RNF217: variants seen among roughly 807,000 people sequenced by gnomAD.
RNF217 encodes the protein E3 ubiquitin-protein ligase RNF217.
RNF217 carries 31 observed loss-of-function variants against 57.8 expected under a neutral mutation model. The ratio of observed to expected loss-of-function variants is 0.54; its 90% CI spans 0.40 to 0.72. The LOEUF is 0.72. RNF217 is among the 30% of genes least tolerant of loss of function. The pLI, the probability that RNF217 is intolerant of heterozygous loss-of-function variation, is 0.00. For missense variants in RNF217, 696 were observed against 708.3 expected (o/e 0.98, Z 0.20); for synonymous variants, 313 against 294.0 (o/e 1.06, Z -0.66).
intron 1 of RNF217, among the ~76,000 whole-genome samples, chr6:125,039,228 A>AT (rs983365588): frequency 8.6e-5 from 13 of 150,976 alleles, no homozygotes; most frequent in South Asian, 2.1e-4. Flanking sequence ...TATGTACCAC[A>AT]TTTTTTTTTC....
chr6:124,982,388 TAGA>T (rs1259494205), intron 1 of RNF217, among the ~76,000 whole-genome samples: 1 of 152,132 alleles, frequency 6.6e-6, no homozygotes, highest in Non-Finnish European at 1.5e-5. Flanking sequence ...TACTGAAAAA[TAGA>T]AGATATTTCA....
chr6:125,016,048 C>T (rs568639380), intron 1 of RNF217, among the ~76,000 whole-genome samples: 6 of 152,062 alleles, frequency 3.9e-5, no homozygotes, highest in East Asian at 1.9e-4. Flanking sequence ...AGGAAGCCCA[C>T]GAATCTAATG....
chr6:125,034,503 T>C (rs1309225445), intron 1 of RNF217, among the ~76,000 whole-genome samples: 3 of 152,136 alleles, frequency 2.0e-5, no homozygotes, highest in Non-Finnish European at 4.4e-5. Flanking sequence ...ATCAGATAGT[T>C]GTAGATATGC....
At chr6:125,048,123 A>G in intron 2 of RNF217, 1 of 1,087,992 alleles carries the variant, frequency 9.2e-7, no homozygotes, top group Non-Finnish European at 1.2e-6. Flanking sequence ...TACCTGGTTT[A>G]CATGCCCATA....
intron 1 of RNF217, among the ~76,000 whole-genome samples, chr6:125,032,525 A>C (rs1351440683): frequency 2.0e-5 from 3 of 151,968 alleles, no homozygotes; most frequent in African/African-American, 7.2e-5. Context: ...AGCTAGGTGA[A>C]TATTATTTGC....
intron 1 of RNF217, among the ~76,000 whole-genome samples, chr6:125,031,730 T>G (rs1786370071): frequency 6.6e-6 from 1 of 152,212 alleles, no homozygotes; most frequent in Admixed American, 6.5e-5. Context: ...GTTCCAAACT[T>G]TCCCACATTT....
intron 3 of RNF217, among the ~76,000 whole-genome samples, chr6:125,068,315 A>G (rs1185464153): frequency 6.6e-6 from 1 of 152,178 alleles, no homozygotes; most frequent in Non-Finnish European, 1.5e-5. Context: ...AATATGCTGT[A>G]TTTAGAATTC....
chr6:125,048,237 T>C (rs1223466337), intron 2 of RNF217: 1 of 1,355,000 alleles, frequency 7.4e-7, no homozygotes, highest in Non-Finnish European at 9.8e-7. Flanking sequence ...GAGACTAAGA[T>C]CTTTGTTCTT....
Position 125,085,817 on chromosome 6 carries a change from G to A in RNF217, c.*2880G>A, listed in dbSNP as rs1788754597. The A allele has an allele frequency of 6.6e-6, 1 of 151,850 alleles. No homozygotes were observed. The highest frequency in any genetic ancestry group is 1.5e-5 in the Non-Finnish European group (1 of 67,846). The allele number at this position is 151,850 out of a possible 1,614,324, so 9.4% of individuals were successfully genotyped here. A position where few individuals can be genotyped will look rare whatever the true frequency, so the allele number is the denominator to read the frequency against. On this transcript the variant is annotated 3_prime_UTR_variant, in exon 6 of 6. Transcript: ENST00000521654. ...TGTGTTTGTGTATGTGTCTGTGTGTGTATTCATTTTATACAAATAGAAAAA... is the reference window on the plus strand; with the variant it reads ...TGTGTTTGTGTATGTGTCTGTGTGTATATTCATTTTATACAAATAGAAAAA...
chr6:125,003,653 C>G (rs1258320343), intron 1 of RNF217, among the ~76,000 whole-genome samples: 1 of 151,954 alleles, frequency 6.6e-6, no homozygotes, highest in East Asian at 1.9e-4. Context: ...TTTAATCATT[C>G]CACAATATAT....
intron 2 of RNF217, among the ~76,000 whole-genome samples, chr6:125,052,288 G>A (rs73772615): frequency 2.4e-5 from 3 of 127,506 alleles, no homozygotes; most frequent in African/African-American, 1.2e-4. Context: ...TGCGTTTTGT[G>A]TGTGTGTGTG....
chr6:125,002,497 G>A (rs1165961357), intron 1 of RNF217, among the ~76,000 whole-genome samples: 2 of 152,106 alleles, frequency 1.3e-5, no homozygotes, highest in African/African-American at 4.8e-5. Context: ...TCTATGCTTT[G>A]TTTTGGTTTC....
intron 1 of RNF217, among the ~76,000 whole-genome samples, chr6:124,991,228 C>A (rs1784549387): frequency 6.6e-6 from 1 of 152,168 alleles, no homozygotes; most frequent in South Asian, 2.1e-4. Context: ...ATTCCTCCTG[C>A]CATTGCTCAC....
intron 1 of RNF217, among the ~76,000 whole-genome samples, chr6:125,000,377 AAC>A (rs375760261): frequency 1.5e-3 from 232 of 152,178 alleles, no homozygotes; most frequent in African/African-American, 5.1e-3. Context: ...CACTTTGAGA[AAC>A]ACACATAATG....
In RNF217 at chr6:125,029,282, C is replaced by T. The variant is rs143509586; in HGVS notation, c.883-15929C>T. On this transcript the variant is annotated intron_variant, in intron 1 of 5. Transcript: ENST00000521654. ...TTTTGAAGGTATTAAACATCAAAAG[C>T]AAAGACAGCTTTTTAAAAACATATA... Among the ~76,000 whole-genome samples, 495 of 152,150 alleles carry T rather than the reference C, an allele frequency of 3.3e-3. 4 individuals are homozygous for T. The highest frequency in any genetic ancestry group is 0.012 in the African/African-American group (481 of 41,542).
intron 1 of RNF217, among the ~76,000 whole-genome samples, chr6:125,034,865 T>A (rs1331302349): frequency 1.3e-5 from 2 of 152,128 alleles, no homozygotes; most frequent in Non-Finnish European, 2.9e-5. Context: ...TATCCTCTTT[T>A]ATTTCATTGA....
intron 3 of RNF217, among the ~76,000 whole-genome samples, chr6:125,065,091 C>T (rs983303756): frequency 1.8e-4 from 27 of 151,316 alleles, no homozygotes; most frequent in Admixed American, 1.4e-3. Context: ...CTGGCTAACA[C>T]GGTGAAACTC....
chr6:125,057,955 C>T lies in RNF217; in HGVS notation c.1130C>T (p.Thr377Ile), dbSNP rs746211574. ...TTTCTTACACAGATCCAGTGCCCTA[C>T]CTGCCAATTCGTCTGGTGTTTTAAG... ...SESKYKIQCPTCQFVWCFKCH... is the reference protein window; with the variant it reads ...SESKYKIQCPICQFVWCFKCH... Residue 377 changes from threonine to isoleucine, a missense_variant, in exon 3 of 6, where the codon ACC becomes ATC. Coordinates refer to ENST00000521654, the MANE Select transcript of RNF217 (RefSeq NM_001286398.3). 2 of 1,609,872 alleles carry T rather than the reference C, an allele frequency of 1.2e-6. No individual in the cohort carries two copies. The highest frequency in any genetic ancestry group is 1.3e-5 in the African/African-American group (1 of 74,784).
At chr6:125,065,777 G>A (rs1406569484) in intron 3 of RNF217, among the ~76,000 whole-genome samples, 1 of 152,084 alleles carries the variant, frequency 6.6e-6, no homozygotes, top group Admixed American at 6.6e-5. Context: ...TCTTTCTACA[G>A]CAAACTACAC....
Sources: allele counts gnomAD v4.1 joint callset (sites outside exome capture counted in the v4.1 genomes callset), GRCh38; gene constraint gnomAD v4.1.1; transcripts MANE v1.5; gene names NCBI Gene and HGNC (gene_info 2026-07-23, HGNC 2026-07-21).